The following A2M variants were observed in gnomAD, a reference collection of about 807,000 sequenced individuals.
A2M encodes the protein alpha-2-macroglobulin, also known as C3 and PZP-like alpha-2-macroglobulin domain-containing protein 5.
Under a neutral mutation model 183.9 loss-of-function variants are expected in A2M, and 128 were observed. That is an observed-to-expected ratio of 0.70 (90% CI 0.60 to 0.81). The LOEUF (loss-of-function observed/expected upper bound fraction) is 0.81, where lower values mean the gene tolerates loss of function less well. Ranked by LOEUF, A2M falls within the 30% of genes least tolerant of loss-of-function variation. The pLI, the probability that A2M is intolerant of heterozygous loss-of-function variation, is 0.00. For synonymous variants in A2M, 592 were observed against 670.8 expected (o/e 0.88, Z 1.81); for missense variants, 1,495 against 1,787.6 (o/e 0.84, Z 2.95).
chr12:9,070,748 G>A (rs1948546853), intron 31 of A2M, among the ~76,000 whole-genome samples, 170 bp from the exon 32 acceptor site: 2 of 152,142 alleles, frequency 1.3e-5, no homozygotes, highest in Admixed American at 1.3e-4. Context: ...TAGGAAGCCT[G>A]TTAAAGCCAC....
At chr12:9,104,559 G>A (rs904557802) in intron 10 of A2M, among the ~76,000 whole-genome samples, 159 bp from the exon 11 acceptor site, 4 of 152,040 alleles carry the variant, frequency 2.6e-5, no homozygotes, top group Admixed American at 6.6e-5. Flanking sequence ...CCATCACAGA[G>A]CTTACTGTCT....
Position 9,068,730 on chromosome 12 carries a change from T to C in A2M, c.4366+10A>G. The C allele has an allele frequency of 6.3e-7, 1 of 1,578,754 alleles. No individual in the cohort carries two copies. The highest frequency in any genetic ancestry group is 1.2e-5 in the South Asian group (1 of 86,864). ...TTAAATATTTCTACGTGAAAATCACTCTCACTCACCCGTCTCGTAGTAATC... is the reference window on the plus strand; with the variant it reads ...TTAAATATTTCTACGTGAAAATCACCCTCACTCACCCGTCTCGTAGTAATC... On this transcript the variant is annotated intron_variant, in intron 34 of 35. Coordinates refer to ENST00000318602, the MANE Select transcript of A2M (RefSeq NM_000014.6).
chr12:9,109,955 T>A lies in A2M; in HGVS notation c.585A>T (p.Ser195=). ...GGLKQFSFPL[S]SEPFQGSYKV... ...TGTAGGAGCCCTGGAAGGGCTCTGA[T>A]GAGAGGGGAAAAGAAAATTGCTTGA... is the stretch of plus-strand genomic sequence containing the variant. The change falls in exon 6 of 36, where the codon TCA becomes TCT. Residue 195 remains serine, a synonymous_variant. Transcript: ENST00000318602. 1.2e-6 allele frequency: 2 copies of A among 1,614,056 alleles called. No homozygotes were observed. The highest frequency in any genetic ancestry group is 1.7e-6 in the Non-Finnish European group (2 of 1,179,922).
At chr12:9,098,528 C>T in intron 15 of A2M, 79 bp downstream of exon 15, 1 of 1,471,522 alleles carries the variant, frequency 6.8e-7, no homozygotes, top group Admixed American at 2.2e-5. Context: ...TTGATCTTAT[C>T]CTACTTATCC....
intron 13 of A2M, among the ~76,000 whole-genome samples, chr12:9,099,914 T>C (rs922168508): frequency 1.3e-5 from 2 of 152,224 alleles, no homozygotes; most frequent in African/African-American, 4.8e-5. Context: ...ATTTGGTTCT[T>C]TCTCCATAAG....
intron 27 of A2M, 80 bp from the exon 28 acceptor site, chr12:9,077,016 C>A: frequency 7.2e-7 from 1 of 1,386,936 alleles, no homozygotes; most frequent in Non-Finnish European, 9.6e-7. Flanking sequence ...CGGATCACAG[C>A]ACAGAAGTTT....
At position 9,091,223 on chromosome 12, in the gene A2M, T is replaced by A; in HGVS notation, c.2447A>T (p.Asn816Ile). Residue 816 changes from asparagine to isoleucine, a missense_variant, in exon 19 of 36, where the codon AAC becomes ATC. Coordinates refer to ENST00000318602, the MANE Select transcript of A2M (RefSeq NM_000014.6). ...EAFTLKATVL[N>I]YLPKCIRVSV... ...TACCCGGATGCATTTGGGAAGGTAG[T>A]TTAGGACCGTGGCCTTGAGTGTGAA... The A allele has an allele frequency of 6.2e-7, 1 of 1,614,170 alleles. No homozygotes were observed. The highest frequency in any genetic ancestry group is 8.5e-7 in the Non-Finnish European group (1 of 1,180,020).
At position 9,074,662 on chromosome 12, in the gene A2M, C is replaced by T. The variant is rs759470700; in HGVS notation, c.3654G>A (p.Thr1218=). Reference sequence around the variant, plus strand: ...CCTCCGAGGTTGGGGCTGGCTGGGCCGTGAGATAAGCGAGGAGCACATAGG... The same window carrying T: ...CCTCCGAGGTTGGGGCTGGCTGGGCTGTGAGATAAGCGAGGAGCACATAGG... The part of the protein sequence containing the change: ...MTSYVLLAYL[T]AQPAPTSEDL... Residue 1218 remains threonine (T), a synonymous_variant, in exon 29 of 36, where the codon ACG becomes ACA. Transcript: ENST00000318602. 8 of 1,613,920 alleles carry T rather than the reference C, an allele frequency of 5.0e-6. No individual in the cohort carries two copies. Among genetic ancestry groups the T allele is most frequent in the South Asian group, 1.1e-5 (1 of 91,006 alleles).
chr12:9,079,310 T>C lies in A2M; in HGVS notation c.3053A>G (p.Tyr1018Cys). 2 of 1,613,802 alleles carry C rather than the reference T, an allele frequency of 1.2e-6. No individual in the cohort carries two copies. The highest frequency in any genetic ancestry group is 2.2e-5 in the South Asian group (2 of 91,070). Residue 1018 changes from tyrosine (Y) to cysteine (C), a missense_variant, in exon 25 of 36, where the codon TAC becomes TGC. Tyr to Cys is a radical substitution (Grantham distance 194). Transcript: ENST00000318602. ...LNTGYQRQLN[Y>C]KHYDGSYSTF... is the part of the protein sequence containing the mutation. The stretch of plus-strand genomic sequence containing the variant: ...GCTGTAGGAGCCATCATAGTGTTTG[T>C]AGTTCAACTGTCTCTGGTAACCTGG...
At chr12:9,084,392 A>C (rs1592349454) in intron 22 of A2M, among the ~76,000 whole-genome samples, 1 of 152,322 alleles carries the variant, frequency 6.6e-6, no homozygotes, top group East Asian at 1.9e-4. Context: ...ATAAATTGTC[A>C]ATAAATACAC....
intron 32 of A2M, 130 bp downstream of exon 32, chr12:9,070,358 T>A (rs1269318306): frequency 1.5e-6 from 1 of 679,410 alleles, no homozygotes. Flanking sequence ...ATTATATTTC[T>A]GAGCTGGAAA....
intron 19 of A2M, 140 bp downstream of exon 19, chr12:9,091,061 A>G: frequency 9.1e-7 from 1 of 1,099,460 alleles, no homozygotes; most frequent in Non-Finnish European, 1.3e-6. Context: ...GTATTTGGAG[A>G]TCTCAAAACC....
Position 9,106,417 on chromosome 12 carries a change from A to G in A2M, c.995-72T>C, listed in dbSNP as rs1359375158. Reference sequence around the variant, plus strand: ...TCTAAAATTCTATCACCTCCCCCCAACTTACAATTCATTATTTGGCTAAGA... The same window carrying G: ...TCTAAAATTCTATCACCTCCCCCCAGCTTACAATTCATTATTTGGCTAAGA... On this transcript the variant is annotated intron_variant, in intron 9 of 35. Transcript: ENST00000318602. 2.2e-5 allele frequency: 32 copies of G among 1,430,718 alleles called. 1 individual carries two copies. The East Asian group carries it at 3.2e-4, about 14-fold the overall frequency. 88.6% of individuals were successfully genotyped at this position (1,430,718 alleles called of 1,614,324 possible).
intron 22 of A2M, among the ~76,000 whole-genome samples, chr12:9,083,777 C>G (rs960240751): frequency 2.7e-5 from 4 of 148,760 alleles, no homozygotes; most frequent in Non-Finnish European, 5.9e-5. Context: ...GCAGTAAGGG[C>G]TGAAAACTTC....
At chr12:9,114,213 A>G (rs1173221759) in intron 1 of A2M, among the ~76,000 whole-genome samples, 1 of 152,184 alleles carries the variant, frequency 6.6e-6, no homozygotes, top group Non-Finnish European at 1.5e-5. Flanking sequence ...CTGGTGATTG[A>G]CTTTAGACCT....
chr12:9,069,042 C>T, intron 33 of A2M, 200 bp from the exon 34 acceptor site: 4 of 473,526 alleles, frequency 8.4e-6, no homozygotes, highest in Non-Finnish European at 1.5e-5. Flanking sequence ...TAACATAACG[C>T]ATATACCTCT....
intron 22 of A2M, among the ~76,000 whole-genome samples, chr12:9,084,112 G>A (rs1948986902): frequency 6.6e-6 from 1 of 152,012 alleles, no homozygotes; most frequent in South Asian, 2.1e-4. Context: ...TCAGAAATGA[G>A]GGAGAAATAA....
rs1949180234 is a variant in A2M, at chr12:9,090,539, G to GT, written c.2470-58dup. On this transcript the variant is annotated intron_variant, in intron 19 of 35. Coordinates refer to ENST00000318602, the MANE Select transcript of A2M (RefSeq NM_000014.6). Reference sequence around the variant, plus strand: ...GGGAAGGAGAACAGAGGGAGAATGGGTTTGAAGTAAAGCATCTTGAGGAAT... The same window carrying GT: ...GGGAAGGAGAACAGAGGGAGAATGGGTTTTGAAGTAAAGCATCTTGAGGAAT... 48 of 1,576,504 alleles carry GT rather than the reference G, an allele frequency of 3.0e-5. No individual in the cohort carries two copies. The South Asian group carries it at 5.4e-4, about 18-fold the overall frequency.
At chr12:9,110,754 A>G (rs923203341) in intron 4 of A2M, among the ~76,000 whole-genome samples, 1 of 152,150 alleles carries the variant, frequency 6.6e-6, no homozygotes, top group Non-Finnish European at 1.5e-5. Context: ...TTTCATATAG[A>G]ATAATTCCCT....
Sources: allele counts gnomAD v4.1 joint callset (sites outside exome capture counted in the v4.1 genomes callset), GRCh38; gene constraint gnomAD v4.1.1; transcripts MANE v1.5; gene names NCBI Gene and HGNC (gene_info 2026-07-23, HGNC 2026-07-21).